PDE6C: variants seen among roughly 807,000 people sequenced by gnomAD.
PDE6C encodes the protein phosphodiesterase 6C.
PDE6C carries 75 observed loss-of-function variants against 113.1 expected under a neutral mutation model. That is an observed-to-expected ratio of 0.66 (90% CI 0.55 to 0.80). The LOEUF is 0.80. PDE6C is among the 30% of genes least tolerant of loss of function. The probability of loss-of-function intolerance (pLI) is 0.00; values close to 1 mark genes in which losing one functional copy is unlikely to be tolerated. For synonymous variants in PDE6C, 375 were observed against 363.7 expected (o/e 1.03, Z -0.35); for missense variants, 912 against 1,038.6 (o/e 0.88, Z 1.67).
intron 7 of PDE6C, among the ~76,000 whole-genome samples, chr10:93,628,009 G>A (rs1446599576): frequency 3.9e-5 from 6 of 152,202 alleles, no homozygotes; most frequent in African/African-American, 1.4e-4. Context: ...TTGTTAGATT[G>A]TTAGTTTTTT....
At chr10:93,617,567 A>T (rs1324427302) in intron 1 of PDE6C, among the ~76,000 whole-genome samples, 1 of 152,140 alleles carries the variant, frequency 6.6e-6, no homozygotes, top group East Asian at 1.9e-4. Flanking sequence ...TGAGGTCAGG[A>T]GTTTGTGACC....
At position 93,632,061 on chromosome 10, in the gene PDE6C, C is replaced by T. The variant is rs867016263; in HGVS notation, c.1120-2697C>T. ...CCTTTTCCAGCTTCTCAGGGCCTCC[C>T]GCCTTCCTTGCCTGGTGACCCTTCC... On this transcript the variant is annotated intron_variant, in intron 8 of 21. Coordinates refer to ENST00000371447, the MANE Select transcript of PDE6C (RefSeq NM_006204.4). Among the ~76,000 whole-genome samples, 18 of 152,292 alleles carry T rather than the reference C, an allele frequency of 1.2e-4. No homozygotes were observed. In the South Asian group the frequency reaches 2.1e-3, roughly 18 times the overall value.
In PDE6C at chr10:93,620,916, T is replaced by G. The variant is rs2058442665; in HGVS notation, c.659T>G (p.Val220Gly). ...EEVFSKYLNF[V>G]SIILRLHHTS... ...GTCTTTTCCAAATACCTCAACTTTGTGTCTATCATCCTAAGGCTTCATCAC... is the reference window on the plus strand; with the variant it reads ...GTCTTTTCCAAATACCTCAACTTTGGGTCTATCATCCTAAGGCTTCATCAC... Residue 220 changes from valine to glycine, a missense_variant, in exon 3 of 22, where the codon GTG becomes GGG. Coordinates refer to ENST00000371447, the MANE Select transcript of PDE6C (RefSeq NM_006204.4). The G allele has an allele frequency of 2.5e-6, 4 of 1,614,126 alleles. No individual in the cohort carries two copies. The highest frequency in any genetic ancestry group is 2.5e-6 in the Non-Finnish European group (3 of 1,179,982).
chr10:93,636,316 G>T (rs2058529099), intron 10 of PDE6C, among the ~76,000 whole-genome samples: 1 of 151,120 alleles, frequency 6.6e-6, no homozygotes, highest in Non-Finnish European at 1.5e-5. Flanking sequence ...ACCACAAAAT[G>T]AAGGGAAAAT....
intron 4 of PDE6C, among the ~76,000 whole-genome samples, chr10:93,622,872 C>T (rs543898773): frequency 5.5e-4 from 83 of 152,098 alleles, no homozygotes; most frequent in African/African-American, 1.9e-3. Context: ...ATCCATTCAC[C>T]TGTTGAAGGG....
intron 21 of PDE6C, among the ~76,000 whole-genome samples, chr10:93,663,391 G>A (rs938656271): frequency 3.9e-5 from 6 of 152,188 alleles, no homozygotes; most frequent in Admixed American, 3.9e-4. Flanking sequence ...GAATTGACCG[G>A]TCCAGTTGAA....
intron 7 of PDE6C, 121 bp downstream of exon 7, chr10:93,626,992 G>A (rs1725739989): frequency 1.2e-6 from 1 of 862,748 alleles, no homozygotes; most frequent in Non-Finnish European, 1.9e-6. Flanking sequence ...GCCGGGCGCG[G>A]TGGCTCATGC....
intron 4 of PDE6C, among the ~76,000 whole-genome samples, chr10:93,624,766 G>A (rs769896378): frequency 1.3e-5 from 2 of 152,142 alleles, no homozygotes; most frequent in Non-Finnish European, 2.9e-5. Context: ...ACAAGGTAGG[G>A]CAGCGCTAGT....
intron 14 of PDE6C, among the ~76,000 whole-genome samples, chr10:93,642,807 C>T (rs989817755): frequency 2.0e-5 from 3 of 152,192 alleles, no homozygotes; most frequent in Non-Finnish European, 4.4e-5. Flanking sequence ...GAGCGAAAAG[C>T]ACTTTGTAAG....
intron 14 of PDE6C, among the ~76,000 whole-genome samples, chr10:93,644,677 C>T (rs994805678): frequency 1.3e-5 from 2 of 150,710 alleles, no homozygotes; most frequent in Admixed American, 6.6e-5. Flanking sequence ...ATATTTGTAC[C>T]CATTAATCAA....
rs772358173 is a variant in PDE6C at position 93,634,768 on chromosome 10, T to C, written c.1130T>C (p.Val377Ala). The change falls in exon 9 of 22, where the codon GTA (valine) becomes GCA (alanine). Residue 377 changes from valine (V) to alanine (A), a missense_variant. Val to Ala is a moderately conservative substitution (Grantham distance 64, BLOSUM62 0). Transcript: ENST00000371447. ...DEYFTFQKGP[V>A]DETGWVIKNV... Reference sequence around the variant, plus strand: ...CCTTCTCGTTTGTAGAAAGGACCTGTAGACGAAACTGGTTGGGTCATTAAG... The same window carrying C: ...CCTTCTCGTTTGTAGAAAGGACCTGCAGACGAAACTGGTTGGGTCATTAAG... 6.2e-7 allele frequency: 1 copy of C among 1,614,130 alleles called. No homozygotes were observed.
At chr10:93,614,045 C>T (rs1249123705) in intron 1 of PDE6C, among the ~76,000 whole-genome samples, 1 of 152,154 alleles carries the variant, frequency 6.6e-6, no homozygotes. Flanking sequence ...ACCCATCATC[C>T]CTCCCCTCAG....
chr10:93,663,465 G>A (rs2133879971), intron 21 of PDE6C, among the ~76,000 whole-genome samples: 1 of 152,302 alleles, frequency 6.6e-6, no homozygotes, highest in African/African-American at 2.4e-5. Context: ...AACACTGGGT[G>A]CTTAGGGATA....
chr10:93,634,886 G>C lies in PDE6C; in HGVS notation c.1248G>C (p.Glu416Asp). 6.2e-7 allele frequency: 1 copy of C among 1,614,074 alleles called. No homozygotes were observed. Among genetic ancestry groups the C allele is most frequent in the Non-Finnish European group, 8.5e-7 (1 of 1,179,970 alleles). The change falls in exon 9 of 22, where the codon GAG (glutamate) becomes GAC (aspartate). Residue 416 changes from glutamate (E) to aspartate (D), a missense_variant. By Grantham distance (45) the Glu-to-Asp change is conservative (BLOSUM62 2). Coordinates refer to ENST00000371447, the MANE Select transcript of PDE6C (RefSeq NM_006204.4). ...GGAAGGATGGAAAACCTTTCGATGAGCATGATGAATACATTACCGAGGCAA... is the reference window on the plus strand; with the variant it reads ...GGAAGGATGGAAAACCTTTCGATGACCATGATGAATACATTACCGAGGCAA... ...YNRKDGKPFD[E>D]HDEYITETLT...
intron 1 of PDE6C, among the ~76,000 whole-genome samples, chr10:93,619,633 C>T (rs535416412): frequency 6.6e-6 from 1 of 152,132 alleles, no homozygotes; most frequent in Non-Finnish European, 1.5e-5. Context: ...ATCATGTTGG[C>T]CAGGCTGGTC....
chr10:93,629,800 G>A (rs1180809444), intron 8 of PDE6C, among the ~76,000 whole-genome samples: 1 of 152,184 alleles, frequency 6.6e-6, no homozygotes, highest in East Asian at 1.9e-4. Flanking sequence ...GTGGAGCTCA[G>A]ACGGTAATGT....
intron 21 of PDE6C, among the ~76,000 whole-genome samples, chr10:93,663,410 T>C (rs894595176): frequency 6.6e-6 from 1 of 152,188 alleles, no homozygotes; most frequent in Non-Finnish European, 1.5e-5. Flanking sequence ...AAGTAGAGGT[T>C]GGAGCTAGGC....
chr10:93,665,312 T>C, intron 21 of PDE6C, 48 bp from the exon 22 acceptor site: 1 of 1,318,002 alleles, frequency 7.6e-7, no homozygotes, highest in Non-Finnish European at 1.1e-6. Flanking sequence ...ATAAAAACAC[T>C]GTATATCCAC....
At chr10:93,644,489 C>T (rs2058573780) in intron 14 of PDE6C, among the ~76,000 whole-genome samples, 1 of 151,886 alleles carries the variant, frequency 6.6e-6, no homozygotes, top group Non-Finnish European at 1.5e-5. Context: ...ATATGATGTG[C>T]AATAGTCAAA....
Sources: allele counts gnomAD v4.1 joint callset (sites outside exome capture counted in the v4.1 genomes callset), GRCh38; gene constraint gnomAD v4.1.1; transcripts MANE v1.5; gene names NCBI Gene and HGNC (gene_info 2026-07-23, HGNC 2026-07-21).